The following RBFOX1 variants were observed in gnomAD, a reference collection of about 807,000 sequenced individuals.
RBFOX1 encodes RNA binding protein fox-1 homolog 1.
Under a neutral mutation model 57.7 loss-of-function variants are expected in RBFOX1, and 8 were observed. The ratio of observed to expected loss-of-function variants is 0.14; its 90% confidence interval spans 0.08 to 0.25. The LOEUF is 0.25. RBFOX1 is among the 10% of genes least tolerant of loss of function. The pLI is 1.00. For missense variants in RBFOX1, 611 were observed against 548.5 expected (o/e 1.11, Z -1.14); for synonymous variants, 326 against 222.4 (o/e 1.47, Z -4.15).
intron 4 of RBFOX1, among the ~76,000 whole-genome samples, chr16:7,142,143 C>A (rs965453888): frequency 6.6e-6 from 1 of 152,080 alleles, no homozygotes; most frequent in African/African-American, 2.4e-5. Flanking sequence ...CACACCTCAG[C>A]CTCCCAAGTA....
At chr16:6,503,815 T>C (rs12447214) in intron 2 of RBFOX1, among the ~76,000 whole-genome samples, 41,644 of 152,026 alleles carry the variant, frequency 0.27, 5,911 homozygotes, top group Non-Finnish European at 0.31. Context: ...AAAAGGTATA[T>C]GCAAATGGGG....
intron 4 of RBFOX1, among the ~76,000 whole-genome samples, chr16:7,294,099 G>C (rs1292534891): frequency 1.3e-5 from 2 of 152,304 alleles, no homozygotes; most frequent in Non-Finnish European, 2.9e-5. Flanking sequence ...TTTGCCTTCA[G>C]GTTTGCTTGA....
intron 2 of RBFOX1, among the ~76,000 whole-genome samples, chr16:6,536,041 A>T (rs978954652): frequency 2.6e-5 from 4 of 152,156 alleles, no homozygotes; most frequent in African/African-American, 4.8e-5. Context: ...CATGCTTTTC[A>T]TGCCTTTGGG....
intron 3 of RBFOX1, among the ~76,000 whole-genome samples, chr16:5,622,809 A>G (rs933137877): frequency 5.3e-5 from 8 of 152,200 alleles, no homozygotes; most frequent in African/African-American, 1.9e-4. Context: ...TGTGGATTCA[A>G]CCAACCTCGA....
chr16:6,871,840 C>A (rs115098551), intron 3 of RBFOX1, among the ~76,000 whole-genome samples: 1 of 151,606 alleles, frequency 6.6e-6, no homozygotes, highest in Non-Finnish European at 1.5e-5. Context: ...TGCTGCTTAG[C>A]CTATCGTGTC....
At chr16:5,553,311 T>A (rs2045537242) in intron 2 of RBFOX1, among the ~76,000 whole-genome samples, 1 of 141,190 alleles carries the variant, frequency 7.1e-6, no homozygotes, top group Non-Finnish European at 1.6e-5. Flanking sequence ...ATGCCATATG[T>A]CTGAATATTT....
intron 3 of RBFOX1, among the ~76,000 whole-genome samples, chr16:5,608,961 C>T (rs2047681742): frequency 6.6e-6 from 1 of 152,160 alleles, no homozygotes; most frequent in Non-Finnish European, 1.5e-5. Context: ...TCCTTTCTTC[C>T]CCCCATATCC....
At chr16:6,316,404 A>G (rs1013589615) in intron 1 of RBFOX1, among the ~76,000 whole-genome samples, 2 of 152,212 alleles carry the variant, frequency 1.3e-5, no homozygotes, top group African/African-American at 4.8e-5. Flanking sequence ...CTGCTAGGAT[A>G]CCTTGTATCA....
intron 1 of RBFOX1, among the ~76,000 whole-genome samples, chr16:6,197,597 A>C (rs527873410): frequency 3.6e-4 from 54 of 151,996 alleles, no homozygotes; most frequent in Non-Finnish European, 6.6e-4. Flanking sequence ...GGAACAGTAG[A>C]GGACCAGGAT....
In RBFOX1 at chr16:7,094,736, C is replaced by CTG. The variant is rs796631938; in HGVS notation, c.27+42640_27+42641dup. On this transcript the variant is annotated intron_variant, in intron 4 of 15. Transcript: ENST00000550418. ...GCTGATGAACTGAAATAAGGGCAGACTGTACAGCTGTGTGTGTGTGTGTGT... is the reference window on the plus strand; with the variant it reads ...GCTGATGAACTGAAATAAGGGCAGACTGTGTACAGCTGTGTGTGTGTGTGTGT... Among the ~76,000 whole-genome samples, 258 of 78,498 alleles carry CTG rather than the reference C, an allele frequency of 3.3e-3. 2 individuals carry two copies. The highest frequency in any genetic ancestry group is 9.6e-3 in the African/African-American group (234 of 24,476). The allele number at this position is 78,498 out of a possible 152,430, so 51.5% of individuals were successfully genotyped here. A position where few individuals can be genotyped will look rare whatever the true frequency, so the allele number is the denominator to read the frequency against.
intron 4 of RBFOX1, among the ~76,000 whole-genome samples, chr16:7,132,294 A>G (rs1159254824): frequency 6.6e-6 from 1 of 151,992 alleles, no homozygotes; most frequent in Non-Finnish European, 1.5e-5. Context: ...GTCCAAGTTC[A>G]TCATTGCAAT....
At chr16:6,381,849 A>G (rs1057096436) in intron 2 of RBFOX1, among the ~76,000 whole-genome samples, 7 of 152,202 alleles carry the variant, frequency 4.6e-5, no homozygotes, top group Non-Finnish European at 1.0e-4. Flanking sequence ...CAGTTTCTGC[A>G]CGGGCTGTTT....
intron 2 of RBFOX1, among the ~76,000 whole-genome samples, chr16:6,487,160 G>GTC (rs1037096791): frequency 6.5e-5 from 8 of 123,476 alleles, no homozygotes; most frequent in African/African-American, 2.5e-4. Context: ...GTGTGTGTGT[G>GTC]TGTGTGTGTG....
intron 1 of RBFOX1, among the ~76,000 whole-genome samples, chr16:6,272,501 A>T (rs532811890): frequency 6.6e-6 from 1 of 152,308 alleles, no homozygotes; most frequent in East Asian, 1.9e-4. Context: ...TAGTAAAGAC[A>T]TTGATTCTCC....
chr16:5,584,288 T>A (rs1171612304), intron 2 of RBFOX1, among the ~76,000 whole-genome samples: 5 of 152,232 alleles, frequency 3.3e-5, no homozygotes, highest in African/African-American at 1.2e-4. Flanking sequence ...TTTCAGCAGC[T>A]CCCCTGCTCT....
chr16:5,355,878 A>T (rs1309423094), intron 1 of RBFOX1, among the ~76,000 whole-genome samples: 1 of 152,110 alleles, frequency 6.6e-6, no homozygotes, highest in Admixed American at 6.6e-5. Flanking sequence ...ATCGCCTGAG[A>T]CTAGGAGTTT....
intron 4 of RBFOX1, among the ~76,000 whole-genome samples, chr16:7,141,930 C>A (rs1265512067): frequency 1.3e-5 from 2 of 152,162 alleles, no homozygotes; most frequent in Non-Finnish European, 2.9e-5. Context: ...TCCCCTTCCC[C>A]CTTAAGATGT....
intron 1 of RBFOX1, among the ~76,000 whole-genome samples, chr16:6,241,782 G>T (rs566864886): frequency 6.6e-6 from 1 of 152,288 alleles, no homozygotes; most frequent in East Asian, 1.9e-4. Context: ...AATCACAGTG[G>T]GTAGTTTTTC....
chr16:5,965,271 A>C (rs1436481821), intron 4 of RBFOX1, among the ~76,000 whole-genome samples: 1 of 152,180 alleles, frequency 6.6e-6, no homozygotes, highest in Non-Finnish European at 1.5e-5. Context: ...GTATACTTGA[A>C]ATTTGCTAGG....
Sources: allele counts gnomAD v4.1 joint callset (sites outside exome capture counted in the v4.1 genomes callset), GRCh38; gene constraint gnomAD v4.1.1; transcripts MANE v1.5; gene names NCBI Gene and HGNC (gene_info 2026-07-23, HGNC 2026-07-21).